RGS22: variants seen among roughly 807,000 people sequenced by gnomAD.
RGS22 encodes regulator of G-protein signaling 22.
Under a neutral mutation model 172.9 loss-of-function variants are expected in RGS22, and 148 were observed. The observed-to-expected ratio is 0.86, with a 90% confidence interval of 0.75 to 0.98. The LOEUF (loss-of-function observed/expected upper bound fraction) is 0.98. Among genes scored for constraint, RGS22 ranks in the 50% least tolerant of loss-of-function variants. The probability of loss-of-function intolerance (pLI) is 0.00; values close to 1 mark genes in which losing one functional copy is unlikely to be tolerated. For missense variants in RGS22, 1,347 were observed against 1,440.8 expected (o/e 0.93, Z 1.05); for synonymous variants, 458 against 480.2 (o/e 0.95, Z 0.60).
intron 9 of RGS22, among the ~76,000 whole-genome samples, chr8:100,060,690 C>T (rs1408399175): frequency 6.6e-6 from 1 of 151,838 alleles, no homozygotes; most frequent in Non-Finnish European, 1.5e-5. Context: ...AATGGAAAAA[C>T]ATTCCATACT....
At chr8:100,059,398 C>T (rs1809912476) in intron 9 of RGS22, among the ~76,000 whole-genome samples, 1 of 151,556 alleles carries the variant, frequency 6.6e-6, no homozygotes, top group African/African-American at 2.4e-5. Context: ...AAACACACTT[C>T]ACCTACAAAG....
intron 14 of RGS22, among the ~76,000 whole-genome samples, chr8:100,013,596 G>C (rs1196419260): frequency 6.6e-6 from 1 of 151,956 alleles, no homozygotes; most frequent in Non-Finnish European, 1.5e-5. Flanking sequence ...CAATTGCCTT[G>C]GGCTTTTTAC....
chr8:100,091,605 G>T (rs1049185035), intron 3 of RGS22, among the ~76,000 whole-genome samples: 1 of 152,124 alleles, frequency 6.6e-6, no homozygotes, highest in Non-Finnish European at 1.5e-5. Flanking sequence ...TTAAAAGAAA[G>T]TTAAGAGAAT....
At chr8:99,977,859 C>A in intron 23 of RGS22, 58 bp downstream of exon 23, 1 of 1,360,938 alleles carries the variant, frequency 7.3e-7, no homozygotes, top group South Asian at 1.4e-5. Flanking sequence ...TTCTATAATT[C>A]ACACATATCA....
chr8:100,080,177 G>C lies in RGS22; in HGVS notation c.296C>G (p.Ala99Gly). 16 of 1,612,664 alleles carry C rather than the reference G, an allele frequency of 9.9e-6. No individual in the cohort carries two copies. The highest frequency in any genetic ancestry group is 1.4e-5 in the Non-Finnish European group (16 of 1,178,886). The change falls in exon 4 of 28, where the codon GCC (alanine) becomes GGC (glycine). Residue 99 changes from alanine to glycine, a missense_variant. Transcript: ENST00000360863. ...ATTAATGGTCTCATCTTCATCGGGG[G>C]CATTCATTTGAACAGGTTTAACCTC... Reference protein sequence around the residue: ...KNEVKPVQMNAPDEDETINVN... With the variant: ...KNEVKPVQMNGPDEDETINVN...
intron 2 of RGS22, among the ~76,000 whole-genome samples, chr8:100,102,086 A>T (rs2132061153): frequency 6.6e-6 from 1 of 152,312 alleles, no homozygotes; most frequent in Admixed American, 6.5e-5. Context: ...ACTGTATTCC[A>T]GCTGGCAGAA....
chr8:100,008,887 A>G (rs1387941891), intron 14 of RGS22, among the ~76,000 whole-genome samples: 1 of 152,038 alleles, frequency 6.6e-6, no homozygotes, highest in African/African-American at 2.4e-5. Context: ...TCTTCACAAC[A>G]TTTCTAAAAC....
intron 23 of RGS22, among the ~76,000 whole-genome samples, chr8:99,968,161 TAACA>T (rs1463727345): frequency 6.6e-6 from 1 of 151,928 alleles, no homozygotes; most frequent in Non-Finnish European, 1.5e-5. Context: ...GAAGTAAAAC[TAACA>T]AACAGAAAGC....
chr8:99,987,630 C>T lies in RGS22; in HGVS notation c.3019-11G>A. ...CTTACTCTCCACAGGCTGTCCAAAGCAGAGAATATAGGAAATTAGCTCATT... is the reference window on the plus strand; with the variant it reads ...CTTACTCTCCACAGGCTGTCCAAAGTAGAGAATATAGGAAATTAGCTCATT... On this transcript the variant is annotated splice_polypyrimidine_tract_variant and intron_variant, in intron 20 of 27. Transcript: ENST00000360863. 6.4e-7 allele frequency: 1 copy of T among 1,554,754 alleles called. No homozygotes were observed. The highest frequency in any genetic ancestry group is 1.8e-4 in the Middle Eastern group (1 of 5,704).
At chr8:100,039,074 T>C (rs1352419435) in intron 13 of RGS22, 42 bp from the exon 14 acceptor site, 6 of 1,105,434 alleles carry the variant, frequency 5.4e-6, no homozygotes, top group Middle Eastern at 2.0e-4. Flanking sequence ...CACCCAATTA[T>C]TAAAACTCTT....
chr8:99,984,766 A>G (rs1410355209), intron 21 of RGS22, among the ~76,000 whole-genome samples: 1 of 151,146 alleles, frequency 6.6e-6, no homozygotes, highest in Non-Finnish European at 1.5e-5. Context: ...TGTTGGATAA[A>G]TAAATCCTTC....
At chr8:100,103,430 T>C (rs1379999590) in intron 2 of RGS22, among the ~76,000 whole-genome samples, 1 of 152,134 alleles carries the variant, frequency 6.6e-6, no homozygotes, top group Non-Finnish European at 1.5e-5. Flanking sequence ...AAGTCTTTGA[T>C]GTGAGTGACT....
chr8:100,074,000 C>T (rs1206442543), intron 4 of RGS22, among the ~76,000 whole-genome samples: 2 of 151,994 alleles, frequency 1.3e-5, no homozygotes, highest in African/African-American at 2.4e-5. Flanking sequence ...CATAAAATAA[C>T]TTAATAAATA....
At position 100,052,785 on chromosome 8, in the gene RGS22, A is replaced by G. The variant is rs761863440; in HGVS notation, c.1689+17T>C. ...CTACAAACTTAGTAGAGATCACAGC[A>G]TGAATGTACACCCTACCTGGATCTC... On this transcript the variant is annotated intron_variant, in intron 10 of 27. Coordinates refer to ENST00000360863, the MANE Select transcript of RGS22 (RefSeq NM_015668.5). 1.2e-6 allele frequency: 2 copies of G among 1,610,842 alleles called. No individual in the cohort carries two copies. Among genetic ancestry groups the G allele is most frequent in the South Asian group, 2.2e-5 (2 of 90,922 alleles).
At position 99,961,299 on chromosome 8, in the gene RGS22, T is replaced by C. The variant is rs1810164396; in HGVS notation, c.*46-103A>G. On this transcript the variant is annotated intron_variant, in intron 27 of 27. Transcript: ENST00000360863. Reference sequence around the variant, plus strand: ...AAAAACTTATATAGAATTGTTGATATGGTTTGGCTGTGTCCCCACCCAAAT... The same window carrying C: ...AAAAACTTATATAGAATTGTTGATACGGTTTGGCTGTGTCCCCACCCAAAT... The C allele has an allele frequency of 1.2e-5, 5 of 405,142 alleles. No individual in the cohort carries two copies. The Admixed American group carries it at 1.4e-4, about 12-fold the overall frequency. The allele number at this position is 405,142 out of a possible 1,614,324, so 25.1% of individuals were successfully genotyped here.
intron 21 of RGS22, among the ~76,000 whole-genome samples, chr8:99,984,517 C>G (rs963144662): frequency 6.6e-6 from 1 of 152,000 alleles, no homozygotes; most frequent in African/African-American, 2.4e-5. Flanking sequence ...TGAGTTTAAG[C>G]ATACTTTCCT....
chr8:100,054,755 G>A (rs1191269419), intron 9 of RGS22, among the ~76,000 whole-genome samples: 1 of 152,002 alleles, frequency 6.6e-6, no homozygotes, highest in African/African-American at 2.4e-5. Flanking sequence ...CTGTGTTTCA[G>A]AACCTTTACT....
At chr8:100,102,231 T>A (rs898571529) in intron 2 of RGS22, among the ~76,000 whole-genome samples, 4 of 152,202 alleles carry the variant, frequency 2.6e-5, no homozygotes, top group Admixed American at 2.0e-4. Context: ...TCTATAAACA[T>A]CAGCTCTCCA....
intron 9 of RGS22, among the ~76,000 whole-genome samples, chr8:100,059,798 G>T (rs1809961957): frequency 6.6e-6 from 1 of 152,124 alleles, no homozygotes; most frequent in African/African-American, 2.4e-5. Flanking sequence ...TTGTACTATA[G>T]TTATGCAAGA....
Sources: gnomAD v4.1 joint callset for allele counts (sites outside exome capture counted in the v4.1 genomes callset) on GRCh38, gnomAD v4.1.1 for gene constraint, MANE v1.5 for transcripts, NCBI Gene and HGNC (gene_info 2026-07-23, HGNC 2026-07-21) for gene names.